The following NIPBL variants were observed in gnomAD, a reference collection of about 807,000 sequenced individuals.
The protein encoded by NIPBL is NIPBL cohesin loading factor.
NIPBL carries 19 observed loss-of-function variants against 321.8 expected under a neutral mutation model. The observed-to-expected ratio is 0.06, with a 90% confidence interval of 0.04 to 0.09. NIPBL has a LOEUF of 0.09. Among genes scored for constraint, NIPBL ranks in the 10% least tolerant of loss-of-function variants. The probability of loss-of-function intolerance (pLI) is 1.00; values close to 1 mark genes in which losing one functional copy is unlikely to be tolerated. For missense variants in NIPBL, 2,210 were observed against 3,327.0 expected, an observed-to-expected ratio of 0.66 and a Z score of 8.26; for synonymous variants, 1,106 against 1,114.1, an observed-to-expected ratio of 0.99 and a Z score of 0.14.
intron 21 of NIPBL, among the ~76,000 whole-genome samples, chr5:37,013,735 G>A (rs899706082): frequency 4.1e-4 from 62 of 152,184 alleles, no homozygotes; most frequent in African/African-American, 1.5e-3. Flanking sequence ...TGGGCAGCCA[G>A]GCAGAGAGGC....
chr5:36,902,570 T>C (rs1021431358), intron 1 of NIPBL, among the ~76,000 whole-genome samples: 5 of 152,214 alleles, frequency 3.3e-5, no homozygotes, highest in Admixed American at 6.5e-5. Context: ...TGTGGCTTTA[T>C]TTCTGGGCTC....
At chr5:37,008,215 T>A (rs1747673139) in intron 19 of NIPBL, 127 bp downstream of exon 19, 2 of 685,578 alleles carry the variant, frequency 2.9e-6, no homozygotes, top group Non-Finnish European at 5.3e-6. Flanking sequence ...ATCTAAGGAC[T>A]ATTTTACTAA....
At chr5:36,890,983 A>T (rs1273786176) in intron 1 of NIPBL, among the ~76,000 whole-genome samples, 1 of 152,170 alleles carries the variant, frequency 6.6e-6, no homozygotes, top group Non-Finnish European at 1.5e-5. Context: ...AAAAGACTTC[A>T]GGCCGGGCAC....
intron 1 of NIPBL, chr5:36,885,815 G>C: frequency 1.5e-6 from 1 of 655,368 alleles, no homozygotes; most frequent in South Asian, 1.5e-5. Flanking sequence ...AGACATCGAG[G>C]CTCTCAGGGA....
chr5:37,021,564 C>G (rs1034018160), intron 27 of NIPBL, among the ~76,000 whole-genome samples: 1 of 151,900 alleles, frequency 6.6e-6, no homozygotes, highest in African/African-American at 2.4e-5. Flanking sequence ...GCCTGTAGTC[C>G]CAGCTACTCA....
At position 36,985,116 on chromosome 5, in the gene NIPBL, A is replaced by G. The variant is rs754405649; in HGVS notation, c.1936A>G (p.Thr646Ala). ...SENKLETKVE[T>A]QTEELKQNES... ...AAATAAGTTAGAAACTAAAGTTGAG[A>G]CCCAAACAGAAGAACTTAAACAGAA... is the stretch of plus-strand genomic sequence containing the variant. The change falls in exon 10 of 47, where the codon ACC becomes GCC. Residue 646 changes from threonine to alanine, a missense_variant. By Grantham distance (58) the Thr-to-Ala change is moderately conservative. Transcript: ENST00000282516. The G allele has an allele frequency of 9.3e-6, 15 of 1,613,908 alleles. No individual in the cohort carries two copies. In the East Asian group the frequency reaches 3.3e-4, roughly 36 times the overall value.
intron 1 of NIPBL, among the ~76,000 whole-genome samples, chr5:36,913,495 T>G (rs1022327201): frequency 1.3e-5 from 2 of 150,902 alleles, no homozygotes; most frequent in African/African-American, 4.9e-5. Context: ...GCTCAAGCCA[T>G]CCACCTGTCT....
At chr5:36,932,778 GTTTTTTTTTT>G (rs35264312) in intron 1 of NIPBL, among the ~76,000 whole-genome samples, 2 of 69,868 alleles carry the variant, frequency 2.9e-5, no homozygotes, top group East Asian at 4.1e-4. Context: ...TTCCTCTGCT[GTTTTTTTTTT>G]TTTTTTTTTT....
rs369249480 is a variant in NIPBL, at chr5:36,958,123, G to A, written c.250G>A (p.Gly84Ser). 2.6e-5 allele frequency: 42 copies of A among 1,613,812 alleles called. No homozygotes were observed. Among genetic ancestry groups the A allele is most frequent in the Non-Finnish European group, 3.5e-5 (41 of 1,179,918 alleles). Residue 84 changes from glycine (G) to serine (S), a missense_variant, in exon 4 of 47, where the codon GGC becomes AGC. Physicochemically the swap from Gly to Ser is moderately conservative, Grantham distance 56 (BLOSUM62 0). Transcript: ENST00000282516. ...TGCCAGAGAGTTGAAAGATAACCTTGGCAGTGATGACCCAGAAGGTGACAT... is the reference window on the plus strand; with the variant it reads ...TGCCAGAGAGTTGAAAGATAACCTTAGCAGTGATGACCCAGAAGGTGACAT... ...TDHIELKDNL[G>S]SDDPEGDIPV...
At chr5:36,917,491 G>C (rs1748562365) in intron 1 of NIPBL, among the ~76,000 whole-genome samples, 2 of 151,990 alleles carry the variant, frequency 1.3e-5, no homozygotes. Context: ...TCTTTAATTA[G>C]ATCCCATTTG....
intron 1 of NIPBL, among the ~76,000 whole-genome samples, chr5:36,898,547 C>T (rs1217780792): frequency 1.4e-5 from 2 of 139,820 alleles, no homozygotes; most frequent in Non-Finnish European, 1.5e-5. Flanking sequence ...GTTTCGCTGT[C>T]ATTGCCCAGG....
intron 1 of NIPBL, among the ~76,000 whole-genome samples, chr5:36,933,793 TAA>T (rs1401260630): frequency 6.6e-6 from 1 of 152,052 alleles, no homozygotes; most frequent in African/African-American, 2.4e-5. Flanking sequence ...ATTTTATAAG[TAA>T]AAAGTTACTC....
At chr5:37,058,736 A>G (rs752443552) in intron 43 of NIPBL, among the ~76,000 whole-genome samples, 155 bp from the exon 44 acceptor site, 6 of 152,210 alleles carry the variant, frequency 3.9e-5, no homozygotes, top group Admixed American at 2.0e-4. Context: ...TTTAGAAACT[A>G]TCCCCTAAGA....
At chr5:36,926,471 G>A (rs1335996001) in intron 1 of NIPBL, among the ~76,000 whole-genome samples, 2 of 152,216 alleles carry the variant, frequency 1.3e-5, no homozygotes, top group Non-Finnish European at 2.9e-5. Flanking sequence ...GAGACATCAT[G>A]TGTAGCATCT....
At chr5:36,961,409 A>G in intron 4 of NIPBL, 75 bp from the exon 5 acceptor site, 1 of 901,296 alleles carries the variant, frequency 1.1e-6, no homozygotes, top group Non-Finnish European at 1.9e-6. Flanking sequence ...TTGAAAGAAT[A>G]ACTGATTTCA....
intron 1 of NIPBL, among the ~76,000 whole-genome samples, chr5:36,916,743 A>C (rs1256993407): frequency 6.6e-6 from 1 of 151,734 alleles, no homozygotes; most frequent in Non-Finnish European, 1.5e-5. Context: ...GAGTGAGAAC[A>C]TGCAGTGTTT....
At chr5:36,934,749 T>C (rs1281394540) in intron 1 of NIPBL, among the ~76,000 whole-genome samples, 1 of 151,712 alleles carries the variant, frequency 6.6e-6, no homozygotes, top group Non-Finnish European at 1.5e-5. Context: ...ATAATGAAGC[T>C]ATGAAGAACT....
At chr5:37,015,767 A>G (rs1199300034) in intron 22 of NIPBL, among the ~76,000 whole-genome samples, 2 of 152,148 alleles carry the variant, frequency 1.3e-5, no homozygotes, top group Non-Finnish European at 2.9e-5. Context: ...TTTTAGGTAG[A>G]AAAACAGTGA....
intron 30 of NIPBL, among the ~76,000 whole-genome samples, chr5:37,025,861 A>G (rs1028304334): frequency 6.6e-6 from 1 of 152,024 alleles, no homozygotes; most frequent in African/African-American, 2.4e-5. Context: ...ACATTTATAT[A>G]TAATAATATG....
Sources: gnomAD v4.1 joint callset for allele counts (sites outside exome capture counted in the v4.1 genomes callset) on GRCh38, gnomAD v4.1.1 for gene constraint, MANE v1.5 for transcripts, NCBI Gene and HGNC (gene_info 2026-07-23, HGNC 2026-07-21) for gene names.